The following SIGLEC1 variants were observed in gnomAD, a reference collection of about 807,000 sequenced individuals.
SIGLEC1 encodes sialic acid binding Ig like lectin 1.
SIGLEC1 carries 132 observed loss-of-function variants against 148.0 expected under a neutral mutation model. The ratio of observed to expected loss-of-function variants is 0.89; its 90% CI spans 0.77 to 1.03. The LOEUF (loss-of-function observed/expected upper bound fraction) is 1.03, where lower values mean the gene tolerates loss of function less well. SIGLEC1 is among the 50% of genes least tolerant of loss of function. The pLI is 0.00. For synonymous variants in SIGLEC1, 945 were observed against 969.0 expected (o/e 0.98, Z 0.46); for missense variants, 2,253 against 2,271.4 (o/e 0.99, Z 0.16).
Position 3,691,210 on chromosome 20 carries a change from G to GA in SIGLEC1, c.4591+129dup, listed in dbSNP as rs141476695. The GA allele has an allele frequency of 3.4e-3, 3,877 of 1,126,104 alleles. 99 individuals are homozygous for GA. In the African/African-American group the frequency reaches 0.052, roughly 15 times the overall value. The allele number at this position is 1,126,104 out of a possible 1,614,324, so 69.8% of individuals were successfully genotyped here. A position where few individuals can be genotyped will look rare whatever the true frequency, so the allele number is the denominator to read the frequency against. On this transcript the variant is annotated intron_variant, in intron 18 of 21. Coordinates refer to ENST00000344754, the MANE Select transcript of SIGLEC1 (RefSeq NM_023068.4). ...AAGGTCACCCAACCAGACAGCGGGA[G>GA]AGCCAGGATTCCAACCCAGGACTCA...
Position 3,691,474 on chromosome 20 carries a change from C to G in SIGLEC1, c.4457G>C (p.Arg1486Pro). The G allele has an allele frequency of 8.1e-6, 13 of 1,613,478 alleles. No individual in the cohort carries two copies. Among genetic ancestry groups the G allele is most frequent in the Non-Finnish European group, 1.1e-5 (13 of 1,179,992 alleles). ...GGGCACAGGCTCCGCGTGCAGCCGC[C>G]GGTCATTCCAGAACCATGCAAAGGT... ...NSTFAWFWND[R>P]RLHAEPVPTL... Residue 1486 changes from arginine to proline, a missense_variant, in exon 18 of 22, where the codon CGG (arginine) becomes CCG (proline). Physicochemically the swap from Arg to Pro is moderately radical, Grantham distance 103 (BLOSUM62 -2). Transcript: ENST00000344754.
Position 3,703,460 on chromosome 20 carries a change from G to T in SIGLEC1, c.974-9C>A. The T allele has an allele frequency of 6.4e-7, 1 of 1,560,992 alleles. No homozygotes were observed. The highest frequency in any genetic ancestry group is 8.7e-7 in the Non-Finnish European group (1 of 1,151,276). On this transcript the variant is annotated splice_polypyrimidine_tract_variant and intron_variant, in intron 5 of 21. Coordinates refer to ENST00000344754, the MANE Select transcript of SIGLEC1 (RefSeq NM_023068.4). ...CACCTGGACCTCAGCCACTGCAAGG[G>T]CAGCATAGGGAGTGCTGGGGGGTCC...
intron 8 of SIGLEC1, among the ~76,000 whole-genome samples, chr20:3,698,736 C>T (rs2087825544): frequency 6.6e-6 from 1 of 152,224 alleles, no homozygotes; most frequent in African/African-American, 2.4e-5. Flanking sequence ...CTCCGGCACA[C>T]ATGTGTCAGG....
rs750269989 is a variant in SIGLEC1, at chr20:3,703,903, C to T, written c.895G>A (p.Asp299Asn). 25 of 1,613,908 alleles carry T rather than the reference C, an allele frequency of 1.5e-5. No individual in the cohort carries two copies. The Admixed American group carries it at 2.0e-4, about 13-fold the overall frequency. ...VLHLPQAAWS[D>N]AGVYTCQAEN... ...GCTTGGCAGGTGTAGACGCCAGCAT[C>T]GCTCCAGGCTGCCTGGGGCAGGTGC... Residue 299 changes from aspartate to asparagine, a missense_variant, in exon 5 of 22, where the codon GAT (aspartate) becomes AAT (asparagine). By Grantham distance (23) the Asp-to-Asn change is conservative. Coordinates refer to ENST00000344754, the MANE Select transcript of SIGLEC1 (RefSeq NM_023068.4).
chr20:3,693,048 G>A lies in SIGLEC1; in HGVS notation c.3592C>T (p.Arg1198Cys), dbSNP rs750104596. ...CTGAGGGCCAGCTGGGCGGGCGGGC[G>A]GCTGTCCACAGTGCACAGTACCAGG... ...LALVLCTVDS[R>C]PPAQLALSHA... The change falls in exon 15 of 22, where the codon CGC becomes TGC. Residue 1198 changes from arginine (R) to cysteine (C), a missense_variant. Coordinates refer to ENST00000344754, the MANE Select transcript of SIGLEC1 (RefSeq NM_023068.4). 5.3e-5 allele frequency: 85 copies of A among 1,609,048 alleles called. No homozygotes were observed. Among genetic ancestry groups the A allele is most frequent in the Non-Finnish European group, 6.9e-5 (81 of 1,179,354 alleles).
chr20:3,699,151 G>C, intron 8 of SIGLEC1, 51 bp downstream of exon 8: 1 of 1,588,146 alleles, frequency 6.3e-7, no homozygotes, highest in Non-Finnish European at 8.6e-7. Context: ...AGAGGAGGTG[G>C]GGTGGCTGGT....
In SIGLEC1 at chr20:3,693,056, A is replaced by T. The variant is rs1298179984; in HGVS notation, c.3584T>A (p.Val1195Glu). ...GGQLALVLCT[V>E]DSRPPAQLAL... ...CAGCTGGGCGGGCGGGCGGCTGTCC[A>T]CAGTGCACAGTACCAGGGCCAGCTG... is the stretch of plus-strand genomic sequence containing the variant. Residue 1195 changes from valine to glutamate, a missense_variant, in exon 15 of 22, where the codon GTG (valine) becomes GAG (glutamate). Coordinates refer to ENST00000344754, the MANE Select transcript of SIGLEC1 (RefSeq NM_023068.4). The T allele has an allele frequency of 6.2e-7, 1 of 1,608,102 alleles. No individual in the cohort carries two copies.
Position 3,710,945 on chromosome 20 carries a change from G to A in SIGLEC1, c.-110+1525C>T, listed in dbSNP as rs2087924722. ...CAGATAACTGTTCTGGAAACAGAAA[G>A]AGCAGGGACCGCTCAGAAAGGAGAT... On this transcript the variant is annotated intron_variant, in intron 1 of 21. Coordinates refer to ENST00000344754, the MANE Select transcript of SIGLEC1 (RefSeq NM_023068.4). The surrounding 1 kb of genome is among the most constrained non-coding windows in gnomAD (Gnocchi z 4.6). Among the ~76,000 whole-genome samples the A allele has an allele frequency of 6.6e-6, 1 of 152,236 alleles. No individual in the cohort carries two copies. Among genetic ancestry groups the A allele is most frequent in the Non-Finnish European group, 1.5e-5 (1 of 68,050 alleles).
At chr20:3,690,305 C>T in intron 18 of SIGLEC1, 41 bp from the exon 19 acceptor site, 1 of 1,480,790 alleles carries the variant, frequency 6.8e-7, no homozygotes, top group Non-Finnish European at 9.0e-7. Flanking sequence ...AGACAATGAC[C>T]ACAAATTTCT....
intron 2 of SIGLEC1, 109 bp downstream of exon 2, chr20:3,706,971 C>T (rs1239939169): frequency 3.1e-6 from 4 of 1,288,746 alleles, no homozygotes; most frequent in African/African-American, 1.5e-5. Context: ...TTGGGCCCTC[C>T]CTTGACCTCA....
chr20:3,697,157 C>T lies in SIGLEC1; in HGVS notation c.2308G>A (p.Ala770Thr). 6.2e-7 allele frequency: 1 copy of T among 1,613,776 alleles called. No individual in the cohort carries two copies. The highest frequency in any genetic ancestry group is 8.5e-7 in the Non-Finnish European group (1 of 1,180,036). The change falls in exon 10 of 22, where the codon GCC (alanine) becomes ACC (threonine). Residue 770 changes from alanine to threonine, a missense_variant. Coordinates refer to ENST00000344754, the MANE Select transcript of SIGLEC1 (RefSeq NM_023068.4). ...TLLPVARTDAALYACRILTEA... is the reference protein window; with the variant it reads ...TLLPVARTDATLYACRILTEA... ...GTCAGGATGCGGCAGGCGTAAAGGG[C>T]AGCATCAGTTCTGGCCACGGGCAGC... is the stretch of plus-strand genomic sequence containing the variant.
rs557890889 is a variant in SIGLEC1 at position 3,689,568 on chromosome 20, A to G, written c.4997+32T>C. The G allele has an allele frequency of 1.5e-4, 217 of 1,484,118 alleles. 3 individuals carry two copies. The South Asian group carries it at 2.5e-3, about 17-fold the overall frequency. 91.9% of individuals were successfully genotyped at this position (1,484,118 alleles called of 1,614,324 possible). ...AGACGAGGTGGGCTGCCTTACCCCA[A>G]TCTTCTGGCCCACTCCCAGCTCCAG... On this transcript the variant is annotated intron_variant, in intron 20 of 21. Transcript: ENST00000344754.
In SIGLEC1 at chr20:3,706,513, G is replaced by A. The variant is rs1245917144; in HGVS notation, c.243C>T (p.Ala81=). Residue 81 remains alanine, a synonymous_variant, in exon 3 of 22, where the codon GCC becomes GCT. Coordinates refer to ENST00000344754, the MANE Select transcript of SIGLEC1 (RefSeq NM_023068.4). ...TGAACTCGGTGCGGCCGCGGAAGCG[G>A]GCCTCCACCAGCTTGGGGTCCGCCG... ...SHSADPKLVE[A]RFRGRTEFMG... The A allele has an allele frequency of 6.2e-7, 1 of 1,613,328 alleles. No homozygotes were observed. The highest frequency in any genetic ancestry group is 1.3e-5 in the African/African-American group (1 of 74,944).
intron 13 of SIGLEC1, 57 bp downstream of exon 13, chr20:3,694,164 T>C (rs2088795419): frequency 6.7e-7 from 1 of 1,500,830 alleles, no homozygotes. Context: ...CCTCCTCTCC[T>C]CTTTTAAAGG....
chr20:3,707,069 G>T lies in SIGLEC1; in HGVS notation c.49+11C>A, dbSNP rs765284621. ...ACCCTGGAAGACAGGCACTAGGCCC[G>T]CAAAGCTTACCTGCTGGGAAGAATG... On this transcript the variant is annotated intron_variant, in intron 2 of 21. Transcript: ENST00000344754. The T allele has an allele frequency of 1.9e-6, 3 of 1,613,506 alleles. No homozygotes were observed. The highest frequency in any genetic ancestry group is 2.5e-6 in the Non-Finnish European group (3 of 1,179,478).
intron 1 of SIGLEC1, among the ~76,000 whole-genome samples, chr20:3,709,462 T>C (rs899772755): frequency 3.9e-5 from 6 of 152,230 alleles, no homozygotes; most frequent in Non-Finnish European, 8.8e-5. Flanking sequence ...TTGAAATTCT[T>C]GTGTATTGCT....
chr20:3,694,976 T>G, intron 11 of SIGLEC1, 53 bp from the exon 12 acceptor site: 1 of 1,558,496 alleles, frequency 6.4e-7, no homozygotes, highest in Non-Finnish European at 8.7e-7. Flanking sequence ...CCTCTCACAG[T>G]CTGGGACCAT....
In SIGLEC1 at chr20:3,687,312, T is replaced by C. The variant is rs1197599903; in HGVS notation, c.*1248A>G. On this transcript the variant is annotated 3_prime_UTR_variant, in exon 22 of 22. Transcript: ENST00000344754. ...ATTCCTTCTTGGTAACTCATTCTCTTTAACAGCCCGACACAGGGTCTCCAG... is the reference window on the plus strand; with the variant it reads ...ATTCCTTCTTGGTAACTCATTCTCTCTAACAGCCCGACACAGGGTCTCCAG... The C allele has an allele frequency of 6.6e-6, 1 of 152,250 alleles. No homozygotes were observed. Among genetic ancestry groups the C allele is most frequent in the Non-Finnish European group, 1.5e-5 (1 of 68,072 alleles). The allele number at this position is 152,250 out of a possible 1,614,324, so 9.4% of individuals were successfully genotyped here.
At chr20:3,691,319 G>T (rs777809450) in intron 18 of SIGLEC1, 21 bp downstream of exon 18, 5 of 1,611,822 alleles carry the variant, frequency 3.1e-6, no homozygotes, top group Non-Finnish European at 4.2e-6. Context: ...GACTAAGGCG[G>T]AGGAGGGGGT....
Sources: allele counts gnomAD v4.1 joint callset (sites outside exome capture counted in the v4.1 genomes callset), GRCh38; gene constraint gnomAD v4.1.1; non-coding constraint Gnocchi (gnomAD v3.1); transcripts MANE v1.5; gene names NCBI Gene and HGNC (gene_info 2026-07-23, HGNC 2026-07-21).